The following CMKLR2 variants were observed in gnomAD, a reference collection of about 807,000 sequenced individuals.
CMKLR2 encodes chemerin-like receptor 2.
In CMKLR2, 18 loss-of-function variants were observed where a neutral mutation model predicts 23.0. That is an observed-to-expected ratio of 0.78 (90% CI 0.54 to 1.16). The LOEUF (loss-of-function observed/expected upper bound fraction) is 1.16. Among genes scored for constraint, CMKLR2 ranks in the 50% most tolerant of loss-of-function variants. The probability of loss-of-function intolerance (pLI) is 0.00; values close to 1 mark genes in which losing one functional copy is unlikely to be tolerated. For missense variants in CMKLR2, 401 were observed against 412.7 expected (o/e 0.97, Z 0.25); for synonymous variants, 158 against 158.9 (o/e 0.99, Z 0.05).
chr2:206,199,323 C>T (rs1017035497), intron 1 of CMKLR2, among the ~76,000 whole-genome samples: 15 of 152,168 alleles, frequency 9.9e-5, no homozygotes, highest in African/African-American at 3.6e-4. Flanking sequence ...TTGCTTGAGC[C>T]TCGGAGGTGG....
intron 1 of CMKLR2, among the ~76,000 whole-genome samples, chr2:206,180,874 C>T (rs1285293400): frequency 1.3e-5 from 2 of 151,172 alleles, no homozygotes; most frequent in African/African-American, 4.9e-5. Flanking sequence ...CCTGCCTCAG[C>T]CTCCCTAATA....
chr2:206,215,310 T>C (rs759827309), upstream of CMKLR2, among the ~76,000 whole-genome samples: 41 of 152,204 alleles, frequency 2.7e-4, no homozygotes, highest in Non-Finnish European at 4.6e-4. Flanking sequence ...GTATTTACTA[T>C]AGTCTATACT....
chr2:206,197,900 A>G (rs1394860811), intron 1 of CMKLR2, among the ~76,000 whole-genome samples: 1 of 152,058 alleles, frequency 6.6e-6, no homozygotes, highest in African/African-American at 2.4e-5. Flanking sequence ...AATGACAGCC[A>G]TTTTCTCTCA....
chr2:206,195,892 T>C (rs1483716002), intron 1 of CMKLR2, among the ~76,000 whole-genome samples: 1 of 149,596 alleles, frequency 6.7e-6, no homozygotes, highest in African/African-American at 2.5e-5. Flanking sequence ...AGGCGGAGGT[T>C]GCAGTGAGCC....
At chr2:206,187,163 A>G (rs984169980) in intron 1 of CMKLR2, among the ~76,000 whole-genome samples, 2 of 152,194 alleles carry the variant, frequency 1.3e-5, no homozygotes, top group African/African-American at 4.8e-5. Flanking sequence ...CCTGGCCAAC[A>G]TGGGAAAACC....
rs1402324365 is a variant in CMKLR2, at chr2:206,177,274, A to T, written c.-27T>A. ...ACCTTGCTAAATGGAGAATGAAGAA[A>T]TCTGTAGAAGCAAATTTAAAAAGAA... On this transcript the variant is annotated splice_region_variant and 5_prime_UTR_variant, in exon 2 of 2. Transcript: ENST00000621141. 1 of 1,393,878 alleles carries T rather than the reference A, an allele frequency of 7.2e-7. No individual in the cohort carries two copies. Among genetic ancestry groups the T allele is most frequent in the Admixed American group, 2.3e-5 (1 of 44,134 alleles). 86.3% of individuals were successfully genotyped at this position (1,393,878 alleles called of 1,614,324 possible). A position where few individuals can be genotyped will look rare whatever the true frequency, so the allele number is the denominator to read the frequency against.
At chr2:206,199,293 C>G (rs1015033634) in intron 1 of CMKLR2, among the ~76,000 whole-genome samples, 2 of 152,100 alleles carry the variant, frequency 1.3e-5, no homozygotes, top group Non-Finnish European at 2.9e-5. Flanking sequence ...CCCAGCTACT[C>G]GGAGGCTGAG....
chr2:206,212,390 C>CTT (rs34113410), intron 1 of CMKLR2, among the ~76,000 whole-genome samples: 119 of 147,006 alleles, frequency 8.1e-4, no homozygotes, highest in South Asian at 3.0e-3. Flanking sequence ...GTCCCTTGGC[C>CTT]TTTTTTTTTT....
At position 206,176,243 on chromosome 2, in the gene CMKLR2, T is replaced by C; in HGVS notation, c.1005A>G (p.Thr335=). 5 of 1,614,230 alleles carry C rather than the reference T, an allele frequency of 3.1e-6. No individual in the cohort carries two copies. Among genetic ancestry groups the C allele is most frequent in the Non-Finnish European group, 4.2e-6 (5 of 1,180,034 alleles). Reference sequence around the variant, plus strand: ...CTGAGTTCCTGAGCTGTTCACTCACTGTGCCAGAACAGCTGACTTCCCACA... The same window carrying C: ...CTGAGTTCCTGAGCTGTTCACTCACCGTGCCAGAACAGCTGACTTCCCACA... ...YTLWEVSCSG[T]VSEQLRNSET... is the part of the protein sequence containing the mutation. The change falls in exon 2 of 2, where the codon ACA becomes ACG. Residue 335 remains threonine, a synonymous_variant. Transcript: ENST00000621141.
chr2:206,176,641 G>A lies in CMKLR2; in HGVS notation c.607C>T (p.His203Tyr), dbSNP rs145032684. The A allele has an allele frequency of 1.9e-6, 3 of 1,614,026 alleles. No homozygotes were observed. Among genetic ancestry groups the A allele is most frequent in the Non-Finnish European group, 1.7e-6 (2 of 1,179,878 alleles). ...KHDPDLTLIR[H>Y]HVLTWVKFII... ...AATTTCACCCAAGTCAGAACATGGT[G>A]CCTGATCAAAGTGAGGTCAGGATCA... The change falls in exon 2 of 2, where the codon CAC becomes TAC. Residue 203 changes from histidine to tyrosine, a missense_variant. Transcript: ENST00000621141.
chr2:206,207,813 G>A (rs903492700), intron 1 of CMKLR2, among the ~76,000 whole-genome samples: 36 of 138,982 alleles, frequency 2.6e-4, no homozygotes, highest in African/African-American at 9.5e-4. Flanking sequence ...CGTGTTCTCG[G>A]CTCACCGCAA....
At chr2:206,205,688 GTAT>G (rs112037410) in intron 1 of CMKLR2, among the ~76,000 whole-genome samples, 23 of 150,730 alleles carry the variant, frequency 1.5e-4, no homozygotes, top group South Asian at 2.1e-4. Flanking sequence ...AGTGTTCGGT[GTAT>G]TATTATTATT....
rs532931932 is a variant in CMKLR2 at position 206,192,199 on chromosome 2, C to T, written c.-28-14924G>A. Among the ~76,000 whole-genome samples, 1,042 of 151,316 alleles carry T rather than the reference C, an allele frequency of 6.9e-3. 11 individuals are homozygous for T. The highest frequency in any genetic ancestry group is 0.024 in the African/African-American group (991 of 41,186). On this transcript the variant is annotated intron_variant, in intron 1 of 1. Transcript: ENST00000621141. ...TTTACCATGTTGCCCAGGCTGGTCT[C>T]GAACTCCTGATTTCAAGTGATCTGC...
chr2:206,177,369 G>T, intron 1 of CMKLR2, 94 bp from the exon 2 acceptor site: 1 of 640,578 alleles, frequency 1.6e-6, no homozygotes. Flanking sequence ...AATATTTCAG[G>T]TTATGGACCA....
upstream of CMKLR2, among the ~76,000 whole-genome samples, chr2:206,216,088 T>C (rs1049900368): frequency 1.3e-5 from 2 of 152,172 alleles, no homozygotes; most frequent in African/African-American, 4.8e-5. Flanking sequence ...AAAAAACCAT[T>C]TGCAAATTTT....
chr2:206,207,728 C>CTTTTTTTTTTTTTTTTTTTTTTTTTTTTT lies in CMKLR2; in HGVS notation c.-29+5550_-29+5578dup, dbSNP rs71034423. On this transcript the variant is annotated intron_variant, in intron 1 of 1. Coordinates refer to ENST00000621141, the MANE Select transcript of CMKLR2 (RefSeq NM_001389445.1). Reference sequence around the variant, plus strand: ...ATCTGGGTCTGTCTGACCTCAGGGCCTTTTTTTTTTTTTTTTTTTTTTTTT... The same window carrying CTTTTTTTTTTTTTTTTTTTTTTTTTTTTT: ...ATCTGGGTCTGTCTGACCTCAGGGCCTTTTTTTTTTTTTTTTTTTTTTTTTTTTTTTTTTTTTTTTTTTTTTTTTTTTTT... Among the ~76,000 whole-genome samples the CTTTTTTTTTTTTTTTTTTTTTTTTTTTTT allele has an allele frequency of 1.4e-4, 6 of 43,574 alleles. 3 individuals carry two copies. Among genetic ancestry groups the CTTTTTTTTTTTTTTTTTTTTTTTTTTTTT allele is most frequent in the African/African-American group, 2.5e-4 (2 of 8,136 alleles). 28.6% of individuals were successfully genotyped at this position (43,574 alleles called of 152,430 possible).
intron 1 of CMKLR2, among the ~76,000 whole-genome samples, chr2:206,191,285 T>G (rs1382474837): frequency 6.6e-6 from 1 of 152,200 alleles, no homozygotes; most frequent in African/African-American, 2.4e-5. Context: ...AAAAAGTGGT[T>G]AGCTCAGTGC....
intron 1 of CMKLR2, among the ~76,000 whole-genome samples, chr2:206,188,547 G>A (rs1292270427): frequency 6.6e-6 from 1 of 152,148 alleles, no homozygotes; most frequent in South Asian, 2.1e-4. Context: ...TTGTGAACAG[G>A]GATATATGTA....
chr2:206,185,462 C>G (rs1264447873), intron 1 of CMKLR2, among the ~76,000 whole-genome samples: 3 of 152,006 alleles, frequency 2.0e-5, no homozygotes, highest in African/African-American at 7.2e-5. Context: ...GCCAGTATGT[C>G]TAGGGCAGGA....
Sources: gnomAD v4.1 joint callset for allele counts (sites outside exome capture counted in the v4.1 genomes callset) on GRCh38, gnomAD v4.1.1 for gene constraint, MANE v1.5 for transcripts, NCBI Gene and HGNC (gene_info 2026-07-23, HGNC 2026-07-21) for gene names.